Variants in PTPRD observed in about 807,000 individuals in gnomAD.
PTPRD encodes protein tyrosine phosphatase receptor type D.
In PTPRD, 34 loss-of-function variants were observed where a neutral mutation model predicts 214.5. The observed-to-expected ratio is 0.16, with a 90% CI of 0.12 to 0.21. PTPRD has a LOEUF of 0.21. Among genes scored for constraint, PTPRD ranks in the 10% least tolerant of loss-of-function variants. The pLI, the probability that PTPRD is intolerant of heterozygous loss-of-function variation, is 1.00. For synonymous variants in PTPRD, 1,128 were observed against 845.7 expected, an observed-to-expected ratio of 1.33 and a Z score of -5.79; for missense variants, 2,545 against 2,398.7, an observed-to-expected ratio of 1.06 and a Z score of -1.27.
intron 8 of PTPRD, among the ~76,000 whole-genome samples, chr9:9,544,213 C>G (rs2078237405): frequency 6.6e-6 from 1 of 151,472 alleles, no homozygotes; most frequent in African/African-American, 2.4e-5. Context: ...CCATTTCTCC[C>G]TAAAAATTGT....
chr9:9,560,867 C>G (rs1478767317), intron 8 of PTPRD, among the ~76,000 whole-genome samples: 1 of 152,148 alleles, frequency 6.6e-6, no homozygotes, highest in African/African-American at 2.4e-5. Context: ...AGCTGTGCAG[C>G]AGGTTCTCCC....
At chr9:8,847,071 G>A (rs2097711077) in intron 11 of PTPRD, among the ~76,000 whole-genome samples, 1 of 152,094 alleles carries the variant, frequency 6.6e-6, no homozygotes, top group South Asian at 2.1e-4. Context: ...TGGAAAGGAA[G>A]TTAGTATCTA....
At chr9:8,671,195 C>T (rs991387343) in intron 12 of PTPRD, among the ~76,000 whole-genome samples, 1 of 152,000 alleles carries the variant, frequency 6.6e-6, no homozygotes. Context: ...AAAATTTGAA[C>T]AACTTAATTT....
At chr9:9,108,490 C>A (rs2099801775) in intron 10 of PTPRD, among the ~76,000 whole-genome samples, 1 of 152,144 alleles carries the variant, frequency 6.6e-6, no homozygotes, top group Admixed American at 6.6e-5. Flanking sequence ...CTTACAAAGT[C>A]CACCCAAGGT....
At chr9:9,050,840 C>T (rs1590578198) in intron 10 of PTPRD, among the ~76,000 whole-genome samples, 1 of 151,900 alleles carries the variant, frequency 6.6e-6, no homozygotes, top group Non-Finnish European at 1.5e-5. Flanking sequence ...CTTACTGTGC[C>T]TAATATATAA....
chr9:10,119,997 T>C (rs890874690), intron 3 of PTPRD, among the ~76,000 whole-genome samples: 1 of 152,024 alleles, frequency 6.6e-6, no homozygotes, highest in African/African-American at 2.4e-5. Context: ...CTACATAAAT[T>C]GGAAATCTCA....
At chr9:8,489,627 T>G (rs189314247) in intron 27 of PTPRD, among the ~76,000 whole-genome samples, 1 of 152,170 alleles carries the variant, frequency 6.6e-6, no homozygotes, top group Non-Finnish European at 1.5e-5. Context: ...TCCATAAGCA[T>G]GTGAATAATA....
intron 5 of PTPRD, among the ~76,000 whole-genome samples, chr9:9,897,801 C>A (rs1467753778): frequency 6.6e-6 from 1 of 152,012 alleles, no homozygotes; most frequent in East Asian, 1.9e-4. Flanking sequence ...AGACAATGTA[C>A]ACTTAACTGT....
At chr9:8,800,308 G>C (rs933044728) in intron 11 of PTPRD, among the ~76,000 whole-genome samples, 2 of 152,092 alleles carry the variant, frequency 1.3e-5, no homozygotes, top group Non-Finnish European at 2.9e-5. Flanking sequence ...ATGTGAGCCA[G>C]AGCAACTCCA....
chr9:9,039,905 A>C (rs1590285942), intron 10 of PTPRD, among the ~76,000 whole-genome samples: 1 of 151,318 alleles, frequency 6.6e-6, no homozygotes, highest in Non-Finnish European at 1.5e-5. Flanking sequence ...TGTGGTGCCT[A>C]CCCCCAATGT....
chr9:9,822,379 C>G (rs752788542), intron 5 of PTPRD, among the ~76,000 whole-genome samples: 1 of 150,472 alleles, frequency 6.6e-6, no homozygotes, highest in Non-Finnish European at 1.5e-5. Context: ...CCACTGCATT[C>G]CAGCCTGGTG....
chr9:9,295,612 C>A (rs1042334665), intron 9 of PTPRD, among the ~76,000 whole-genome samples: 1 of 151,678 alleles, frequency 6.6e-6, no homozygotes, highest in African/African-American at 2.4e-5. Flanking sequence ...TTCTTGGATC[C>A]TTCTGAAGGG....
chr9:10,230,502 T>A (rs528250774), intron 3 of PTPRD, among the ~76,000 whole-genome samples: 2 of 146,582 alleles, frequency 1.4e-5, no homozygotes, highest in Non-Finnish European at 1.5e-5. Flanking sequence ...CCATCTATTA[T>A]CTATGTATCT....
At chr9:9,989,016 CAAAAAAAAAAAAAA>C (rs397836899) in intron 4 of PTPRD, among the ~76,000 whole-genome samples, 81 of 36,294 alleles carry the variant, frequency 2.2e-3, no homozygotes, top group African/African-American at 5.5e-3. Context: ...TTTCACTGAC[CAAAAAAAAAAAAAA>C]AAAAAAAAAA....
At chr9:10,208,666 T>C (rs190577748) in intron 3 of PTPRD, among the ~76,000 whole-genome samples, 1 of 152,240 alleles carries the variant, frequency 6.6e-6, no homozygotes, top group Non-Finnish European at 1.5e-5. Flanking sequence ...CATTTTGTTT[T>C]AACAAACATG....
At chr9:8,818,700 T>C (rs2096975354) in intron 11 of PTPRD, among the ~76,000 whole-genome samples, 2 of 152,232 alleles carry the variant, frequency 1.3e-5, no homozygotes, top group African/African-American at 4.8e-5. Flanking sequence ...ATGTGCTTCT[T>C]ACAAGAGCAC....
intron 4 of PTPRD, among the ~76,000 whole-genome samples, chr9:9,980,712 GA>G (rs71321205): frequency 7.0e-6 from 1 of 143,596 alleles, no homozygotes; most frequent in Non-Finnish European, 1.5e-5. Flanking sequence ...GGGTGATACA[GA>G]AAAAAAAATT....
At chr9:9,143,530 A>G (rs1036987829) in intron 10 of PTPRD, among the ~76,000 whole-genome samples, 2 of 152,188 alleles carry the variant, frequency 1.3e-5, no homozygotes, top group African/African-American at 4.8e-5. Context: ...AAAATCATTG[A>G]TGGTAATGTG....
intron 7 of PTPRD, among the ~76,000 whole-genome samples, chr9:9,657,657 G>A (rs1047347846): frequency 4.6e-5 from 7 of 152,138 alleles, no homozygotes; most frequent in African/African-American, 1.7e-4. Flanking sequence ...GCTAAATGTT[G>A]TTTATGACCG....
Sources: gnomAD v4.1 joint callset for allele counts (sites outside exome capture counted in the v4.1 genomes callset) on GRCh38, gnomAD v4.1.1 for gene constraint, MANE v1.5 for transcripts, NCBI Gene and HGNC (gene_info 2026-07-23, HGNC 2026-07-21) for gene names.